The following FCMR variants were observed in gnomAD, a reference collection of about 807,000 sequenced individuals.
FCMR encodes Fc mu receptor.
In FCMR, 34 loss-of-function variants were observed where a neutral mutation model predicts 41.6. That is an observed-to-expected ratio of 0.82 (90% confidence interval 0.62 to 1.09). FCMR has a LOEUF of 1.09. Among genes scored for constraint, FCMR ranks in the 50% least tolerant of loss-of-function variants. FCMR has a pLI of 0.00. For synonymous variants in FCMR, 209 were observed against 211.8 expected (o/e 0.99, Z 0.12); for missense variants, 496 against 512.5 (o/e 0.97, Z 0.31).
chr1:206,914,437 CT>C (rs572538296), intron 1 of FCMR, among the ~76,000 whole-genome samples: 31,330 of 105,050 alleles, frequency 0.3, 4,528 homozygotes, highest in Middle Eastern at 0.5. Context: ...CCTTTCTTTT[CT>C]TTTTTTTTTT....
chr1:206,915,949 A>G (rs1558004778), intron 1 of FCMR, among the ~76,000 whole-genome samples: 1 of 151,770 alleles, frequency 6.6e-6, no homozygotes, highest in Non-Finnish European at 1.5e-5. Flanking sequence ...GAATTCTGAC[A>G]ACGGTAGAGA....
At chr1:206,907,525 A>G (rs1678718959) in intron 7 of FCMR, 2 of 462,278 alleles carry the variant, frequency 4.3e-6, no homozygotes, top group Non-Finnish European at 8.3e-6. Context: ...GTAGGCTTCC[A>G]CCGTGTGGGC....
chr1:206,917,409 C>T (rs937283605), intron 1 of FCMR, among the ~76,000 whole-genome samples: 3 of 152,074 alleles, frequency 2.0e-5, no homozygotes, highest in South Asian at 2.1e-4. Flanking sequence ...TATAGTAACC[C>T]GGGTGTGTCC....
intron 1 of FCMR, chr1:206,917,865 A>C (rs1410139000): frequency 2.2e-6 from 1 of 448,670 alleles, no homozygotes; most frequent in Non-Finnish European, 4.4e-6. Context: ...TGATCCACCC[A>C]CCTCAGCCTC....
At position 206,913,866 on chromosome 1, in the gene FCMR, A is replaced by T. The variant is rs1358717797; in HGVS notation, c.266T>A (p.Val89Glu). 1.9e-6 allele frequency: 3 copies of T among 1,614,100 alleles called. No individual in the cohort carries two copies. In the African/African-American group the frequency reaches 4.0e-5, roughly 22 times the overall value. The change falls in exon 2 of 8, where the codon GTG (valine) becomes GAG (glutamate). Residue 89 changes from valine to glutamate, a missense_variant. Coordinates refer to ENST00000367091, the MANE Select transcript of FCMR (RefSeq NM_005449.5). ...KQYPRKNLFLVEVTQLTESDS... is the reference protein window; with the variant it reads ...KQYPRKNLFLEEVTQLTESDS... The stretch of plus-strand genomic sequence containing the variant: ...ACTTTCTGTCAGCTGTGTTACCTCC[A>T]CTAGGAACAGATTCTTGCGTGGGTA...
intron 4 of FCMR, 100 bp from the exon 5 acceptor site, chr1:206,910,440 C>G: frequency 1.0e-6 from 1 of 954,640 alleles, no homozygotes; most frequent in South Asian, 2.5e-5. Context: ...AGATGACTTA[C>G]AGGTTTGTCC....
chr1:206,909,538 C>T lies in FCMR; in HGVS notation c.986-18G>A. On this transcript the variant is annotated intron_variant, in intron 6 of 7. Coordinates refer to ENST00000367091, the MANE Select transcript of FCMR (RefSeq NM_005449.5). This position sits in a 1 kb window ranked among gnomAD's most constrained non-coding sequence, Gnocchi z 5.0. ...CCCTGTGCCTAGGGAACAGCGAGGGCGAGGTGAGGCGGCGGCCGAGGCTCC... is the reference window on the plus strand; with the variant it reads ...CCCTGTGCCTAGGGAACAGCGAGGGTGAGGTGAGGCGGCGGCCGAGGCTCC... The T allele has an allele frequency of 1.5e-6, 2 of 1,326,936 alleles. No individual in the cohort carries two copies. Among genetic ancestry groups the T allele is most frequent in the South Asian group, 2.0e-5 (1 of 49,698 alleles). The allele number at this position is 1,326,936 out of a possible 1,614,324, so 82.2% of individuals were successfully genotyped here. A position where few individuals can be genotyped will look rare whatever the true frequency, so the allele number is the denominator to read the frequency against.
chr1:206,921,700 T>C (rs370129415), intron 1 of FCMR, 118 bp downstream of exon 1: 1 of 950,608 alleles, frequency 1.1e-6, no homozygotes. Context: ...GCCCTAGGTG[T>C]TGGTTCACAA....
Position 206,910,258 on chromosome 1 carries a change from G to T in FCMR, c.793C>A (p.Leu265Met). The change falls in exon 5 of 8, where the codon CTG (leucine) becomes ATG (methionine). Residue 265 changes from leucine to methionine, a missense_variant. Physicochemically the swap from Leu to Met is conservative, Grantham distance 15. Transcript: ENST00000367091. The part of the protein sequence containing the change: ...LIPTILGLFL[L>M]ALLGLVVKRA... The stretch of plus-strand genomic sequence containing the variant: ...TTCACCACCAGCCCCAGAAGTGCCA[G>T]CAGGAAAAGGCCCAGGATGGTCGGG... The T allele has an allele frequency of 6.3e-7, 1 of 1,588,992 alleles. No individual in the cohort carries two copies. The highest frequency in any genetic ancestry group is 8.6e-7 in the Non-Finnish European group (1 of 1,167,960).
upstream of FCMR, chr1:206,921,971 G>A (rs561478572): frequency 6.9e-5 from 61 of 889,988 alleles, no homozygotes; most frequent in South Asian, 1.2e-4. Context: ...TAGCCCCCAC[G>A]AGGAACAAAG....
chr1:206,905,229 T>C (rs1678575592), intron 7 of FCMR, 82 bp from the exon 8 acceptor site: 2 of 1,513,394 alleles, frequency 1.3e-6, no homozygotes, highest in Non-Finnish European at 1.8e-6. Context: ...TAGTGGGCAA[T>C]GGGGCATGGA....
intron 3 of FCMR, among the ~76,000 whole-genome samples, chr1:206,912,621 C>T (rs1308008484): frequency 6.6e-6 from 1 of 152,194 alleles, no homozygotes; most frequent in African/African-American, 2.4e-5. Context: ...TCTTGGTTTC[C>T]GCAGTCATTC....
intron 1 of FCMR, chr1:206,917,752 G>C: frequency 2.2e-6 from 1 of 449,196 alleles, no homozygotes; most frequent in Non-Finnish European, 4.4e-6. Context: ...TCAGCCTCCT[G>C]AATAGCTGAG....
intron 1 of FCMR, 111 bp from the exon 2 acceptor site, chr1:206,914,205 A>C (rs1458952845): frequency 2.6e-6 from 2 of 759,312 alleles, no homozygotes; most frequent in Non-Finnish European, 4.3e-6. Flanking sequence ...GCCCCAGCCC[A>C]ACCTCACATT....
At chr1:206,915,992 T>G (rs1679176397) in intron 1 of FCMR, among the ~76,000 whole-genome samples, 5 of 144,944 alleles carry the variant, frequency 3.4e-5, no homozygotes, top group Admixed American at 1.4e-4. Context: ...GGAAAGGGGG[T>G]TGGGGCAGGT....
intron 1 of FCMR, among the ~76,000 whole-genome samples, chr1:206,916,781 A>G (rs1679213922): frequency 6.6e-6 from 1 of 152,230 alleles, no homozygotes; most frequent in Non-Finnish European, 1.5e-5. Context: ...GACTCATCTG[A>G]GGAGATTGGC....
intron 7 of FCMR, chr1:206,907,513 A>G: frequency 2.3e-6 from 1 of 438,972 alleles, no homozygotes; most frequent in Non-Finnish European, 4.4e-6. Flanking sequence ...GGGGAGGGGG[A>G]AGTAGGCTTC....
rs1232000882 is a variant in FCMR, at chr1:206,909,944, G to T, written c.842-76C>A. On this transcript the variant is annotated intron_variant, in intron 5 of 7. Coordinates refer to ENST00000367091, the MANE Select transcript of FCMR (RefSeq NM_005449.5). This position sits in a 1 kb window ranked among gnomAD's most constrained non-coding sequence, Gnocchi z 5.0. ...TGCCACCCTCCCCAAACGAAAGGCTGCCTCCTCCCTCGGGCTTGGCAGTGT... is the reference window on the plus strand; with the variant it reads ...TGCCACCCTCCCCAAACGAAAGGCTTCCTCCTCCCTCGGGCTTGGCAGTGT... 1.5e-6 allele frequency: 2 copies of T among 1,344,634 alleles called. No homozygotes were observed. Among genetic ancestry groups the T allele is most frequent in the South Asian group, 1.8e-5 (1 of 56,692 alleles). 83.3% of individuals were successfully genotyped at this position (1,344,634 alleles called of 1,614,324 possible).
rs748184449 is a variant in FCMR at position 206,913,970 on chromosome 1, T to G, written c.162A>C (p.Gly54=). Residue 54 remains glycine, a synonymous_variant, in exon 2 of 8, where the codon GGA becomes GGC. Transcript: ENST00000367091. The stretch of plus-strand genomic sequence containing the variant: ...ATACCACGGTACCACATGTTCCAGA[T>G]CCAGCCATCTCCCGGCACAGATATA... ...VRIYLCREMA[G]SGTCGTVVST... 6.2e-7 allele frequency: 1 copy of G among 1,614,216 alleles called. No homozygotes were observed. Among genetic ancestry groups the G allele is most frequent in the Non-Finnish European group, 8.5e-7 (1 of 1,180,032 alleles).
Sources: gnomAD v4.1 joint callset for allele counts (sites outside exome capture counted in the v4.1 genomes callset) on GRCh38, gnomAD v4.1.1 for gene constraint, Gnocchi (gnomAD v3.1) non-coding constraint, MANE v1.5 for transcripts, NCBI Gene and HGNC (gene_info 2026-07-23, HGNC 2026-07-21) for gene names.